The following CACNA1B variants were observed in gnomAD, a reference collection of about 807,000 sequenced individuals.
CACNA1B encodes calcium voltage-gated channel subunit alpha1 B, also known as voltage-dependent N-type calcium channel subunit alpha-1B.
Under a neutral mutation model 247.2 loss-of-function variants are expected in CACNA1B, and 70 were observed. That is an observed-to-expected ratio of 0.28 (90% CI 0.23 to 0.35). The LOEUF (loss-of-function observed/expected upper bound fraction) is 0.35, where lower values mean the gene tolerates loss of function less well. Ranked by LOEUF, CACNA1B falls within the 10% of genes least tolerant of loss-of-function variation. CACNA1B has a pLI of 1.00. For missense variants in CACNA1B, 2,367 were observed against 3,197.4 expected (o/e 0.74, Z 6.26); for synonymous variants, 1,231 against 1,294.4 (o/e 0.95, Z 1.05).
chr9:138,119,235 C>T (rs1338324689), intron 44 of CACNA1B, among the ~76,000 whole-genome samples: 1 of 152,132 alleles, frequency 6.6e-6, no homozygotes, highest in Non-Finnish European at 1.5e-5. Context: ...ACTTTTCTAC[C>T]CAGCTCCTTG....
chr9:138,058,740 G>A lies in CACNA1B; in HGVS notation c.4473+7G>A. 1 of 1,596,750 alleles carries A rather than the reference G, an allele frequency of 6.3e-7. No individual in the cohort carries two copies. The highest frequency in any genetic ancestry group is 8.5e-7 in the Non-Finnish European group (1 of 1,171,486). ...TGTGGTGCTGATGATGAAGGTGTGT[G>A]GGGCTCAGCGCAGAGGGGCAGCTGG... On this transcript the variant is annotated splice_region_variant and intron_variant, in intron 29 of 46. Transcript: ENST00000371372. This position sits in a 1 kb window ranked among gnomAD's most constrained non-coding sequence, Gnocchi z 4.7.
intron 3 of CACNA1B, among the ~76,000 whole-genome samples, chr9:137,912,963 G>A (rs1957374086): frequency 1.3e-5 from 2 of 152,116 alleles, no homozygotes; most frequent in South Asian, 4.2e-4. Context: ...TCTGGATTCA[G>A]TTCCTGCCTC....
intron 36 of CACNA1B, among the ~76,000 whole-genome samples, chr9:138,080,370 A>G (rs920561866): frequency 6.6e-6 from 1 of 152,180 alleles, no homozygotes; most frequent in African/African-American, 2.4e-5. Context: ...ATGTGAGCAG[A>G]GTGGGATGTG....
At position 137,919,607 on chromosome 9, in the gene CACNA1B, C is replaced by T. The variant is rs1957454486; in HGVS notation, c.966+2176C>T. 6.6e-6 allele frequency among the ~76,000 whole-genome samples: 1 copy of T among 152,264 alleles called. No individual in the cohort carries two copies. The highest frequency in any genetic ancestry group is 6.5e-5 in the Admixed American group (1 of 15,292). On this transcript the variant is annotated intron_variant, in intron 6 of 46. Coordinates refer to ENST00000371372, the MANE Select transcript of CACNA1B (RefSeq NM_000718.4). The surrounding 1 kb of genome is among the most constrained non-coding windows in gnomAD (Gnocchi z 4.6). ...AGAGCGAGAGCCCGCCCCTCACCTC[C>T]AACCCAGTGAGAGGGACTTTTGTGG...
At chr9:137,924,685 A>G (rs1233111779) in intron 6 of CACNA1B, among the ~76,000 whole-genome samples, 2 of 152,168 alleles carry the variant, frequency 1.3e-5, no homozygotes. Context: ...CTCTTCATAT[A>G]TTTAGATCAT....
intron 6 of CACNA1B, among the ~76,000 whole-genome samples, chr9:137,935,156 G>T (rs946866849): frequency 6.6e-6 from 1 of 152,122 alleles, no homozygotes; most frequent in African/African-American, 2.4e-5. Flanking sequence ...ACAACGTGCA[G>T]ATTTGTTGCA....
rs573944437 is a variant in CACNA1B, at chr9:138,044,083, C to T, written c.3413+183C>T. 4.6e-5 allele frequency among the ~76,000 whole-genome samples: 7 copies of T among 152,324 alleles called. No individual in the cohort carries two copies. The East Asian group carries it at 1.4e-3, about 29-fold the overall frequency. Reference sequence around the variant, plus strand: ...CTCATTCTGCAGAAGAGGACACGGGCACAGGAGGCAGCCTCAGCGGAGCTG... The same window carrying T: ...CTCATTCTGCAGAAGAGGACACGGGTACAGGAGGCAGCCTCAGCGGAGCTG... On this transcript the variant is annotated intron_variant, in intron 21 of 46. Transcript: ENST00000371372.
chr9:137,886,708 C>G, intron 3 of CACNA1B, among the ~76,000 whole-genome samples: 1 of 148,548 alleles, frequency 6.7e-6, no homozygotes, highest in South Asian at 2.2e-4. Context: ...AGAGAGCAGT[C>G]GGCGGGTGGA....
At chr9:137,989,003 G>T (rs1345149829) in intron 15 of CACNA1B, among the ~76,000 whole-genome samples, 3 of 152,238 alleles carry the variant, frequency 2.0e-5, no homozygotes, top group African/African-American at 7.2e-5. Context: ...AGCAGCTTCA[G>T]CTGTGCTCAT....
chr9:137,942,029 G>A (rs183540877), intron 6 of CACNA1B, among the ~76,000 whole-genome samples: 1 of 152,256 alleles, frequency 6.6e-6, no homozygotes, highest in East Asian at 1.9e-4. Flanking sequence ...GAAACAGTCG[G>A]CAGAGTAAAC....
At chr9:138,074,992 C>T (rs539272459) in intron 34 of CACNA1B, among the ~76,000 whole-genome samples, 3 of 152,314 alleles carry the variant, frequency 2.0e-5, no homozygotes, top group East Asian at 1.9e-4. Context: ...AGAAAGAACA[C>T]ATTGTCAGCT....
chr9:138,058,772 T>C lies in CACNA1B; in HGVS notation c.4473+39T>C. 6.4e-7 allele frequency: 1 copy of C among 1,556,592 alleles called. No homozygotes were observed. Among genetic ancestry groups the C allele is most frequent in the African/African-American group, 1.4e-5 (1 of 73,676 alleles). ...AGCGCAGAGGGGCAGCTGGCGCTGC[T>C]AGGGATTGGGATCTAACCCTGAGGC... On this transcript the variant is annotated intron_variant, in intron 29 of 46. Transcript: ENST00000371372. This position sits in a 1 kb window ranked among gnomAD's most constrained non-coding sequence, Gnocchi z 4.7.
Position 137,919,933 on chromosome 9 carries a change from C to T in CACNA1B, c.966+2502C>T, listed in dbSNP as rs1011440925. Among the ~76,000 whole-genome samples, 4 of 152,120 alleles carry T rather than the reference C, an allele frequency of 2.6e-5. No individual in the cohort carries two copies. Among genetic ancestry groups the T allele is most frequent in the African/African-American group, 9.7e-5 (4 of 41,414 alleles). ...TCAAATGGAGCTTTGGGAGAACACA[C>T]GGATGAGCCTGGGGAGAGACGAGTC... On this transcript the variant is annotated intron_variant, in intron 6 of 46. Transcript: ENST00000371372. The surrounding 1 kb of genome is among the most constrained non-coding windows in gnomAD (Gnocchi z 4.6).
In CACNA1B at chr9:137,908,393, G is replaced by C. The variant is rs537801835; in HGVS notation, c.531-4787G>C. On this transcript the variant is annotated intron_variant, in intron 3 of 46. Coordinates refer to ENST00000371372, the MANE Select transcript of CACNA1B (RefSeq NM_000718.4). ...TAGCCAGGTATGGTGGCGAGTGCCT[G>C]TAATCCCAGCTACTCGGGAGGCTGA... Among the ~76,000 whole-genome samples, 3 of 151,934 alleles carry C rather than the reference G, an allele frequency of 2.0e-5. No individual in the cohort carries two copies. The East Asian group carries it at 5.9e-4, about 30-fold the overall frequency.
intron 18 of CACNA1B, among the ~76,000 whole-genome samples, chr9:138,015,226 C>T (rs10867094): frequency 6.6e-6 from 1 of 152,016 alleles, no homozygotes; most frequent in South Asian, 2.1e-4. Flanking sequence ...TCCCTGCCTG[C>T]GGTGCAGCTG....
rs1962131547 is a variant in CACNA1B at position 138,122,345 on chromosome 9, G to A, written c.*346G>A. 3 of 337,320 alleles carry A rather than the reference G, an allele frequency of 8.9e-6. No individual in the cohort carries two copies. Among genetic ancestry groups the A allele is most frequent in the Non-Finnish European group, 1.7e-5 (3 of 181,810 alleles). 20.9% of individuals were successfully genotyped at this position (337,320 alleles called of 1,614,324 possible). A position where few individuals can be genotyped will look rare whatever the true frequency, so the allele number is the denominator to read the frequency against. Reference sequence around the variant, plus strand: ...CAGCATGGGTGCTTGGAGCCGTTGTGAGGAGCTCTGCGTCCTGTGGGGAGC... The same window carrying A: ...CAGCATGGGTGCTTGGAGCCGTTGTAAGGAGCTCTGCGTCCTGTGGGGAGC... On this transcript the variant is annotated 3_prime_UTR_variant, in exon 47 of 47. Transcript: ENST00000371372.
chr9:138,110,624 C>T (rs115029941), intron 39 of CACNA1B, among the ~76,000 whole-genome samples: 6,590 of 152,154 alleles, frequency 0.043, 508 homozygotes, highest in African/African-American at 0.15. Context: ...CCCAGCTACT[C>T]AGGAGGCTAC....
At chr9:138,013,256 T>C (rs1958748341) in intron 18 of CACNA1B, 21 bp downstream of exon 18, 1 of 1,542,508 alleles carries the variant, frequency 6.5e-7, no homozygotes, top group Admixed American at 1.9e-5. Flanking sequence ...TAGGAGTGGA[T>C]TGTGGGGTGG....
Position 138,064,748 on chromosome 9 carries a change from C to T in CACNA1B, c.4669-5010C>T, listed in dbSNP as rs574971808. On this transcript the variant is annotated intron_variant, in intron 31 of 46. Transcript: ENST00000371372. ...CAACCAGCCATGGAAGGGAGCCAGC[C>T]TCATGTGATTGTGTGCTGCCATGGA... Among the ~76,000 whole-genome samples the T allele has an allele frequency of 3.3e-5, 5 of 152,350 alleles. No individual in the cohort carries two copies. In the South Asian group the frequency reaches 1.0e-3, roughly 32 times the overall value.
Sources: gnomAD v4.1 joint callset for allele counts (sites outside exome capture counted in the v4.1 genomes callset) on GRCh38, gnomAD v4.1.1 for gene constraint, Gnocchi (gnomAD v3.1) non-coding constraint, MANE v1.5 for transcripts, NCBI Gene and HGNC (gene_info 2026-07-23, HGNC 2026-07-21) for gene names.